Variants in NKAIN3 observed in about 807,000 individuals in gnomAD.
NKAIN3 encodes the protein sodium/potassium transporting ATPase interacting 3.
NKAIN3 carries 25 observed loss-of-function variants against 30.2 expected under a neutral mutation model. That is an observed-to-expected ratio of 0.83 (90% CI 0.60 to 1.16). The LOEUF (loss-of-function observed/expected upper bound fraction) is 1.16, where lower values mean the gene tolerates loss of function less well. Ranked by LOEUF, NKAIN3 falls within the 50% of genes most tolerant of loss-of-function variation. The probability of loss-of-function intolerance (pLI) is 0.00; values close to 1 mark genes in which losing one functional copy is unlikely to be tolerated. For missense variants in NKAIN3, 225 were observed against 254.1 expected, an observed-to-expected ratio of 0.89 and a Z score of 0.78; for synonymous variants, 91 against 89.6, an observed-to-expected ratio of 1.02 and a Z score of -0.09.
rs1447407686 is a variant in NKAIN3 at position 62,978,327 on chromosome 8, C to A, written c.*12920C>A. The A allele has an allele frequency of 6.6e-6, 1 of 152,440 alleles. No individual in the cohort carries two copies. The highest frequency in any genetic ancestry group is 1.5e-5 in the Non-Finnish European group (1 of 68,232). 9.4% of individuals were successfully genotyped at this position (152,440 alleles called of 1,614,324 possible). A position where few individuals can be genotyped will look rare whatever the true frequency, so the allele number is the denominator to read the frequency against. The stretch of plus-strand genomic sequence containing the variant: ...AAGCTGCGCTCACAGCTGCCCCTTC[C>A]CCCAGGTGCTCTGTCCCCAGGAGAT... On this transcript the variant is annotated 3_prime_UTR_variant, in exon 7 of 7. Coordinates refer to ENST00000623646, the MANE Select transcript of NKAIN3 (RefSeq NM_001304533.3).
chr8:62,746,988 T>C lies in NKAIN3; in HGVS notation c.330T>C (p.His110=). The C allele has an allele frequency of 5.6e-6, 9 of 1,613,900 alleles. No homozygotes were observed. The highest frequency in any genetic ancestry group is 6.8e-6 in the Non-Finnish European group (8 of 1,179,816). The change falls in exon 4 of 7, where the codon CAT becomes CAC. Residue 110 remains histidine (H), a synonymous_variant. Transcript: ENST00000623646. Reference sequence around the variant, plus strand: ...TACATCGGTCATGGTGGAGAGAACATGGGCCTGGTTGTGTCAGAAGAGTGC... The same window carrying C: ...TACATCGGTCATGGTGGAGAGAACACGGGCCTGGTTGTGTCAGAAGAGTGC... ...ISVHRSWWRE[H]GPGCVRRVLP... is the part of the protein sequence containing the mutation.
intron 1 of NKAIN3, among the ~76,000 whole-genome samples, chr8:62,492,930 A>G (rs1807118239): frequency 6.6e-6 from 1 of 152,100 alleles, no homozygotes; most frequent in Non-Finnish European, 1.5e-5. Context: ...TTCCTTATAG[A>G]TGCTGAATCT....
chr8:62,733,847 T>C (rs1390126886), intron 3 of NKAIN3, among the ~76,000 whole-genome samples: 1 of 152,244 alleles, frequency 6.6e-6, no homozygotes, highest in African/African-American at 2.4e-5. Context: ...GACTGTCTCT[T>C]AAATCTGTCT....
intron 2 of NKAIN3, among the ~76,000 whole-genome samples, chr8:62,583,759 C>T (rs1231810339): frequency 6.6e-6 from 1 of 152,156 alleles, no homozygotes; most frequent in Non-Finnish European, 1.5e-5. Context: ...ATATAGGAAA[C>T]AGTCTTGGCC....
intron 1 of NKAIN3, among the ~76,000 whole-genome samples, chr8:62,455,094 G>A (rs1805771681): frequency 6.6e-6 from 1 of 152,186 alleles, no homozygotes; most frequent in Non-Finnish European, 1.5e-5. Flanking sequence ...GTCTTGGTAG[G>A]ATAAAGTCAG....
At chr8:62,786,725 A>G (rs6994998) in intron 4 of NKAIN3, among the ~76,000 whole-genome samples, 85,026 of 152,074 alleles carry the variant, frequency 0.56, 25,148 homozygotes, top group Non-Finnish European at 0.67. Flanking sequence ...GCTGAACTAA[A>G]AAAAGCAACA....
At chr8:62,431,653 G>A (rs895734534) in intron 1 of NKAIN3, among the ~76,000 whole-genome samples, 24 of 151,666 alleles carry the variant, frequency 1.6e-4, no homozygotes, top group Admixed American at 1.3e-3. Flanking sequence ...TCTCAAAAGC[G>A]TTATTGCTGT....
chr8:62,464,329 G>A (rs571573296), intron 1 of NKAIN3, among the ~76,000 whole-genome samples: 44 of 152,126 alleles, frequency 2.9e-4, no homozygotes, highest in Non-Finnish European at 5.1e-4. Context: ...GAGTTTGGGA[G>A]GTCCTGTTGC....
At chr8:62,560,804 A>T (rs827697) in intron 1 of NKAIN3, among the ~76,000 whole-genome samples, 1 of 151,892 alleles carries the variant, frequency 6.6e-6, no homozygotes, top group African/African-American at 2.4e-5. Flanking sequence ...GCCTCCCAAA[A>T]TGCTGGGATT....
intron 4 of NKAIN3, among the ~76,000 whole-genome samples, chr8:62,757,838 G>T (rs972773044): frequency 8.5e-5 from 13 of 152,116 alleles, no homozygotes; most frequent in Non-Finnish European, 1.8e-4. Context: ...ATGATGAAGG[G>T]GCTTGAATGC....
chr8:62,328,648 A>G (rs1444092402), intron 1 of NKAIN3, among the ~76,000 whole-genome samples: 1 of 152,150 alleles, frequency 6.6e-6, no homozygotes, highest in Non-Finnish European at 1.5e-5. Context: ...TAGGAATCAA[A>G]TATGTTAAAA....
intron 1 of NKAIN3, among the ~76,000 whole-genome samples, chr8:62,412,024 A>G (rs1296130742): frequency 6.6e-6 from 1 of 152,140 alleles, no homozygotes; most frequent in Admixed American, 6.5e-5. Context: ...AAAAACTACC[A>G]AAGTCATTCT....
intron 4 of NKAIN3, among the ~76,000 whole-genome samples, chr8:62,803,760 A>C (rs538422264): frequency 2.1e-4 from 32 of 152,344 alleles, no homozygotes; most frequent in Non-Finnish European, 1.5e-5. Context: ...GAAATAACTA[A>C]AATCAGAGCA....
chr8:62,451,012 G>A (rs75180854), intron 1 of NKAIN3, among the ~76,000 whole-genome samples: 6 of 152,088 alleles, frequency 3.9e-5, no homozygotes, highest in Non-Finnish European at 5.9e-5. Context: ...GCAATGTGGA[G>A]CAGATTAATT....
intron 3 of NKAIN3, among the ~76,000 whole-genome samples, chr8:62,626,689 G>A (rs10101617): frequency 0.02 from 3,073 of 152,130 alleles, 82 homozygotes; most frequent in African/African-American, 0.069. Context: ...CACATTAATA[G>A]CACTTTCTAT....
At chr8:62,888,146 A>G (rs1821200150) in intron 4 of NKAIN3, among the ~76,000 whole-genome samples, 1 of 152,200 alleles carries the variant, frequency 6.6e-6, no homozygotes, top group South Asian at 2.1e-4. Context: ...AGAAAGGATT[A>G]GTAAAGCAGG....
intron 4 of NKAIN3, among the ~76,000 whole-genome samples, chr8:62,832,953 T>C (rs1819242390): frequency 6.6e-6 from 1 of 151,946 alleles, no homozygotes; most frequent in Non-Finnish European, 1.5e-5. Flanking sequence ...ATAAAGCAAG[T>C]CTCAATAAAT....
chr8:62,809,158 C>T (rs550347693), intron 4 of NKAIN3, among the ~76,000 whole-genome samples: 177 of 152,272 alleles, frequency 1.2e-3, no homozygotes, highest in African/African-American at 4.0e-3. Context: ...TCCCTTGTTC[C>T]CTGAACATCG....
intron 4 of NKAIN3, among the ~76,000 whole-genome samples, chr8:62,774,111 C>A (rs1261831954): frequency 6.6e-6 from 1 of 152,038 alleles, no homozygotes; most frequent in Non-Finnish European, 1.5e-5. Context: ...TCATTGTAGA[C>A]CTCTTTGATT....
Sources: gnomAD v4.1 joint callset for allele counts (sites outside exome capture counted in the v4.1 genomes callset) on GRCh38, gnomAD v4.1.1 for gene constraint, MANE v1.5 for transcripts, NCBI Gene and HGNC (gene_info 2026-07-23, HGNC 2026-07-21) for gene names.